The following PHACTR1 variants were observed in gnomAD, a reference collection of about 807,000 sequenced individuals.
PHACTR1 encodes the protein RPEL repeat containing 1.
Under a neutral mutation model 69.2 loss-of-function variants are expected in PHACTR1, and 16 were observed. That is an observed-to-expected ratio of 0.23 (90% CI 0.16 to 0.35). The LOEUF is 0.35. Ranked by LOEUF, PHACTR1 falls within the 10% of genes least tolerant of loss-of-function variation. PHACTR1 has a pLI of 1.00. For missense variants in PHACTR1, 510 were observed against 734.7 expected, an observed-to-expected ratio of 0.69 and a Z score of 3.54; for synonymous variants, 312 against 284.5, an observed-to-expected ratio of 1.10 and a Z score of -0.97.
chr6:13,003,243 T>C (rs1167303300), intron 4 of PHACTR1, among the ~76,000 whole-genome samples: 2 of 152,224 alleles, frequency 1.3e-5, no homozygotes, highest in Non-Finnish European at 1.5e-5. Context: ...TATGTTGATT[T>C]ATTATCTATA....
At chr6:13,144,874 G>C (rs1190805318) in intron 5 of PHACTR1, among the ~76,000 whole-genome samples, 1 of 151,950 alleles carries the variant, frequency 6.6e-6, no homozygotes, top group Non-Finnish European at 1.5e-5. Flanking sequence ...TAGATGTTCA[G>C]TCTAATGATG....
At chr6:13,030,789 G>A (rs970290757) in intron 4 of PHACTR1, among the ~76,000 whole-genome samples, 1 of 152,242 alleles carries the variant, frequency 6.6e-6, no homozygotes, top group Non-Finnish European at 1.5e-5. Flanking sequence ...ATTCAGTAAT[G>A]TATAGAAGAG....
At chr6:12,993,998 T>A (rs1797116157) in intron 4 of PHACTR1, among the ~76,000 whole-genome samples, 1 of 151,992 alleles carries the variant, frequency 6.6e-6, no homozygotes, top group African/African-American at 2.4e-5. Flanking sequence ...AATATAAAGG[T>A]TTCTATCAAA....
chr6:13,226,119 C>G (rs985104897), intron 8 of PHACTR1, among the ~76,000 whole-genome samples: 1 of 152,140 alleles, frequency 6.6e-6, no homozygotes, highest in African/African-American at 2.4e-5. Flanking sequence ...TTTGTAAATA[C>G]GTGATTTAAT....
chr6:12,753,970 A>ATATATATATTT (rs1490045072), intron 4 of PHACTR1, among the ~76,000 whole-genome samples: 43 of 134,486 alleles, frequency 3.2e-4, no homozygotes, highest in African/African-American at 1.2e-3. Context: ...ATATATATAT[A>ATATATATATTT]TTTTTTTTTT....
At chr6:13,060,386 ATG>A (rs1807488779) in intron 5 of PHACTR1, among the ~76,000 whole-genome samples, 1 of 152,152 alleles carries the variant, frequency 6.6e-6, no homozygotes, top group South Asian at 2.1e-4. Flanking sequence ...GAGGAAATCT[ATG>A]TGTGTCTATA....
chr6:13,276,332 G>A (rs915061158), intron 11 of PHACTR1, among the ~76,000 whole-genome samples: 1 of 152,170 alleles, frequency 6.6e-6, no homozygotes, highest in Non-Finnish European at 1.5e-5. Context: ...TCAGGCCCGT[G>A]GGGGTGGCCC....
intron 4 of PHACTR1, among the ~76,000 whole-genome samples, chr6:13,033,142 G>A (rs1210069165): frequency 7.9e-5 from 12 of 152,064 alleles, no homozygotes; most frequent in Admixed American, 6.5e-4. Context: ...GGAAGAATAC[G>A]CCAGCCAGAC....
chr6:12,990,635 G>A (rs1796715131), intron 4 of PHACTR1, among the ~76,000 whole-genome samples: 1 of 152,234 alleles, frequency 6.6e-6, no homozygotes, highest in Non-Finnish European at 1.5e-5. Flanking sequence ...GCTGTCTATG[G>A]ATGGCTAAGT....
intron 4 of PHACTR1, among the ~76,000 whole-genome samples, chr6:12,868,022 G>A (rs866839347): frequency 1.2e-4 from 18 of 152,136 alleles, no homozygotes; most frequent in African/African-American, 4.3e-4. Flanking sequence ...CACTTTGGGA[G>A]GCCAAGGCGG....
intron 3 of PHACTR1, among the ~76,000 whole-genome samples, chr6:12,728,902 G>T (rs1333728363): frequency 6.6e-6 from 1 of 152,134 alleles, no homozygotes; most frequent in African/African-American, 2.4e-5. Context: ...GTAAATAATA[G>T]GCTAGATGGC....
At chr6:12,891,705 A>G (rs1784183799) in intron 4 of PHACTR1, among the ~76,000 whole-genome samples, 1 of 152,192 alleles carries the variant, frequency 6.6e-6, no homozygotes, top group African/African-American at 2.4e-5. Context: ...TGTTTTATGA[A>G]CATGTAACCT....
intron 4 of PHACTR1, among the ~76,000 whole-genome samples, chr6:12,819,723 T>C (rs1377527386): frequency 6.6e-6 from 1 of 152,188 alleles, no homozygotes; most frequent in Non-Finnish European, 1.5e-5. Flanking sequence ...AAAAAGGCCA[T>C]GTCCAGAATC....
In PHACTR1 at chr6:13,230,129, C is replaced by A. The variant is rs889964713; in HGVS notation, c.1327C>A (p.Leu443Ile). Reference protein sequence around the residue: ...SKRELEEKNILPRQTDEERLE... With the variant: ...SKRELEEKNIIPRQTDEERLE... ...GCGAGAGCTGGAAGAAAAGAACATC[C>A]TTCCCAGGCAGACGGATGAGGAGCG... The change falls in exon 10 of 15, where the codon CTT becomes ATT. Residue 443 changes from leucine (L) to isoleucine (I), a missense_variant. Physicochemically the swap from Leu to Ile is conservative, Grantham distance 5. Coordinates refer to ENST00000332995, the MANE Select transcript of PHACTR1 (RefSeq NM_030948.6). 4 of 1,611,672 alleles carry A rather than the reference C, an allele frequency of 2.5e-6. No homozygotes were observed. In the African/African-American group the frequency reaches 5.3e-5, roughly 22 times the overall value.
At chr6:13,229,568 C>T (rs916483565) in intron 9 of PHACTR1, among the ~76,000 whole-genome samples, 7 of 152,106 alleles carry the variant, frequency 4.6e-5, no homozygotes, top group Non-Finnish European at 8.8e-5. Flanking sequence ...TTGATCTTTT[C>T]TGTCTCTTGA....
chr6:13,008,839 T>A (rs1456257107), intron 4 of PHACTR1, among the ~76,000 whole-genome samples: 1 of 152,212 alleles, frequency 6.6e-6, no homozygotes, highest in Non-Finnish European at 1.5e-5. Flanking sequence ...ATATCACATA[T>A]TGTTGATGTT....
At chr6:12,964,518 A>T (rs2127572686) in intron 4 of PHACTR1, among the ~76,000 whole-genome samples, 1 of 152,292 alleles carries the variant, frequency 6.6e-6, no homozygotes, top group East Asian at 1.9e-4. Flanking sequence ...TCACAGGGGA[A>T]GGCACGCCTG....
chr6:13,089,084 A>G (rs1047313263), intron 5 of PHACTR1, among the ~76,000 whole-genome samples: 12 of 152,134 alleles, frequency 7.9e-5, no homozygotes, highest in African/African-American at 2.9e-4. Flanking sequence ...TCAGACAGGG[A>G]CCTTCTACAG....
chr6:12,788,335 T>G (rs540187848), intron 4 of PHACTR1, among the ~76,000 whole-genome samples: 37 of 152,214 alleles, frequency 2.4e-4, no homozygotes, highest in African/African-American at 7.0e-4. Context: ...GAGGCCATGG[T>G]CAGGAGAGAA....
Sources: gnomAD v4.1 joint callset for allele counts (sites outside exome capture counted in the v4.1 genomes callset) on GRCh38, gnomAD v4.1.1 for gene constraint, MANE v1.5 for transcripts, NCBI Gene and HGNC (gene_info 2026-07-23, HGNC 2026-07-21) for gene names.